KCNIP4: variants seen among roughly 807,000 people sequenced by gnomAD.
The protein encoded by KCNIP4 is potassium voltage-gated channel interacting protein 4, also known as Kv channel-interacting protein 4.
In KCNIP4, 12 loss-of-function variants were observed where a neutral mutation model predicts 34.0. The observed-to-expected ratio is 0.35, with a 90% confidence interval of 0.23 to 0.57. The LOEUF (loss-of-function observed/expected upper bound fraction) is 0.57. KCNIP4 is among the 20% of genes least tolerant of loss of function. The probability of loss-of-function intolerance (pLI) is 0.83; values close to 1 mark genes in which losing one functional copy is unlikely to be tolerated. For missense variants in KCNIP4, 238 were observed against 311.7 expected (o/e 0.76, Z 1.78); for synonymous variants, 124 against 102.2 (o/e 1.21, Z -1.29).
intron 1 of KCNIP4, among the ~76,000 whole-genome samples, chr4:21,440,102 C>G (rs1727326669): frequency 6.6e-6 from 1 of 152,162 alleles, no homozygotes; most frequent in Non-Finnish European, 1.5e-5. Context: ...AATTCAGAAC[C>G]CTAGCCAAAA....
chr4:21,124,065 A>T (rs563306487), intron 1 of KCNIP4, among the ~76,000 whole-genome samples: 2 of 151,944 alleles, frequency 1.3e-5, no homozygotes, highest in African/African-American at 4.8e-5. Flanking sequence ...AACAAAAAAA[A>T]CCTATATTTT....
intron 1 of KCNIP4, among the ~76,000 whole-genome samples, chr4:21,155,796 A>G (rs1287782167): frequency 6.6e-6 from 1 of 152,220 alleles, no homozygotes; most frequent in Non-Finnish European, 1.5e-5. Flanking sequence ...AGATAAATGC[A>G]TGTAAACGTT....
At chr4:20,930,231 A>G (rs1031722810) in intron 1 of KCNIP4, among the ~76,000 whole-genome samples, 9 of 152,092 alleles carry the variant, frequency 5.9e-5, no homozygotes, top group Non-Finnish European at 2.9e-5. Context: ...CTAATTTTCA[A>G]CAAGGGTACC....
At chr4:21,643,152 G>A (rs1290240634) in intron 1 of KCNIP4, among the ~76,000 whole-genome samples, 2 of 152,170 alleles carry the variant, frequency 1.3e-5, no homozygotes, top group African/African-American at 4.8e-5. Context: ...ATATGTTCAA[G>A]TGTGTGCATG....
At chr4:21,943,545 AAAAG>A (rs1322288137) in intron 1 of KCNIP4, among the ~76,000 whole-genome samples, 1 of 152,152 alleles carries the variant, frequency 6.6e-6, no homozygotes, top group Non-Finnish European at 1.5e-5. Context: ...GATTCAAAAG[AAAAG>A]AAAGAAAGAA....
chr4:21,632,711 T>C (rs372277269), intron 1 of KCNIP4, among the ~76,000 whole-genome samples: 33 of 152,292 alleles, frequency 2.2e-4, no homozygotes, highest in African/African-American at 7.9e-4. Context: ...TACAAACTTA[T>C]GAGGGAAGCA....
chr4:21,645,821 T>C (rs760851127), intron 1 of KCNIP4, among the ~76,000 whole-genome samples: 1 of 151,850 alleles, frequency 6.6e-6, no homozygotes, highest in Non-Finnish European at 1.5e-5. Flanking sequence ...TGACCACAAC[T>C]CTCAAATCAT....
intron 1 of KCNIP4, among the ~76,000 whole-genome samples, chr4:21,552,648 G>C (rs564314075): frequency 6.6e-6 from 1 of 152,256 alleles, no homozygotes; most frequent in South Asian, 2.1e-4. Context: ...AAGCGGGATA[G>C]AGGTTGAGGA....
At chr4:21,319,824 T>C (rs1170625971) in intron 1 of KCNIP4, among the ~76,000 whole-genome samples, 4 of 152,176 alleles carry the variant, frequency 2.6e-5, no homozygotes, top group Non-Finnish European at 5.9e-5. Flanking sequence ...AAACTGGTCG[T>C]GTCCCACTAA....
At position 21,672,121 on chromosome 4, in the gene KCNIP4, G is replaced by A. The variant is rs529973649; in HGVS notation, c.61+276450C>T. Among the ~76,000 whole-genome samples, 63 of 152,188 alleles carry A rather than the reference G, an allele frequency of 4.1e-4. 1 individual carries two copies. The South Asian group carries it at 9.6e-3, about 23-fold the overall frequency. ...CACAAGGAGGGGAACATCACACACC[G>A]GGGCCTGTCGGGAGGTGGAGAGCTA... On this transcript the variant is annotated intron_variant, in intron 1 of 8. Transcript: ENST00000382152.
chr4:21,411,729 T>C (rs909259386), intron 1 of KCNIP4, among the ~76,000 whole-genome samples: 6 of 152,050 alleles, frequency 3.9e-5, no homozygotes, highest in Non-Finnish European at 5.9e-5. Context: ...TCTTAGCTAC[T>C]TGGGGGGCCA....
At position 20,761,553 on chromosome 4, in the gene KCNIP4, A is replaced by G. The variant is rs138044764; in HGVS notation, c.289-2663T>C. On this transcript the variant is annotated intron_variant, in intron 3 of 8. Transcript: ENST00000382152. ...GCTTGGGATAGTAAGGAGAGAGTAA[A>G]TACCTGGCTCTCTGCCATCAGGTGG... Among the ~76,000 whole-genome samples the G allele has an allele frequency of 1.4e-4, 21 of 152,274 alleles. No homozygotes were observed. In the East Asian group the frequency reaches 4.1e-3, roughly 29 times the overall value.
chr4:21,256,433 A>T (rs1014635879), intron 1 of KCNIP4, among the ~76,000 whole-genome samples: 1 of 151,520 alleles, frequency 6.6e-6, no homozygotes, highest in Non-Finnish European at 1.5e-5. Context: ...AAAAAAAAAA[A>T]AAAGGACAAA....
At chr4:21,087,100 C>G (rs998901426) in intron 1 of KCNIP4, among the ~76,000 whole-genome samples, 1 of 150,800 alleles carries the variant, frequency 6.6e-6, no homozygotes, top group African/African-American at 2.4e-5. Context: ...CTGCTTTGGC[C>G]TCCCGAGTAG....
chr4:21,110,086 C>A (rs1240728744), intron 1 of KCNIP4, among the ~76,000 whole-genome samples: 3 of 152,130 alleles, frequency 2.0e-5, no homozygotes, highest in Non-Finnish European at 4.4e-5. Flanking sequence ...AAATATTTAA[C>A]CCTTTGGTGC....
At chr4:21,115,177 C>A (rs1311910378) in intron 1 of KCNIP4, among the ~76,000 whole-genome samples, 1 of 152,114 alleles carries the variant, frequency 6.6e-6, no homozygotes, top group Non-Finnish European at 1.5e-5. Flanking sequence ...CCCACTGTTA[C>A]CCCATGTGCA....
At chr4:21,100,835 T>C (rs1174951225) in intron 1 of KCNIP4, among the ~76,000 whole-genome samples, 1 of 152,196 alleles carries the variant, frequency 6.6e-6, no homozygotes, top group African/African-American at 2.4e-5. Context: ...AAAAACTTCT[T>C]GTGACTATAT....
At chr4:21,788,116 G>GC (rs1262058257) in intron 1 of KCNIP4, among the ~76,000 whole-genome samples, 6 of 152,148 alleles carry the variant, frequency 3.9e-5, no homozygotes, top group African/African-American at 1.4e-4. Context: ...TCACTCTTTT[G>GC]CAAGTAAACC....
At chr4:21,938,350 T>C (rs779388393) in intron 1 of KCNIP4, among the ~76,000 whole-genome samples, 12 of 152,182 alleles carry the variant, frequency 7.9e-5, no homozygotes, top group Non-Finnish European at 1.6e-4. Context: ...GGGATATTTT[T>C]CAACTCTGTA....
Sources: allele counts gnomAD v4.1 joint callset (sites outside exome capture counted in the v4.1 genomes callset), GRCh38; gene constraint gnomAD v4.1.1; transcripts MANE v1.5; gene names NCBI Gene and HGNC (gene_info 2026-07-23, HGNC 2026-07-21).